MICAL3: variants seen among roughly 807,000 people sequenced by gnomAD.
MICAL3 encodes microtubule associated monooxygenase, calponin and LIM domain containing 3.
A neutral mutation model predicts 207.4 loss-of-function variants in MICAL3; 62 were observed. That is an observed-to-expected ratio of 0.30 (90% CI 0.24 to 0.37). MICAL3 has a LOEUF of 0.37. MICAL3 is among the 10% of genes least tolerant of loss of function. The pLI is 1.00. For synonymous variants in MICAL3, 1,077 were observed against 1,069.3 expected, an observed-to-expected ratio of 1.01 and a Z score of -0.14; for missense variants, 2,368 against 2,635.6, an observed-to-expected ratio of 0.90 and a Z score of 2.22.
At chr22:17,908,809 C>T (rs1014979091) in intron 1 of MICAL3, among the ~76,000 whole-genome samples, 3 of 152,298 alleles carry the variant, frequency 2.0e-5, no homozygotes, top group East Asian at 1.9e-4. Context: ...TGATGCACTA[C>T]GTTCAGCAGG....
intron 12 of MICAL3, among the ~76,000 whole-genome samples, chr22:17,890,605 A>G (rs1326784475): frequency 6.6e-6 from 1 of 152,214 alleles, no homozygotes; most frequent in Admixed American, 6.5e-5. Flanking sequence ...TGTAATCCAC[A>G]CTGCACAAGG....
intron 1 of MICAL3, among the ~76,000 whole-genome samples, chr22:17,947,083 A>T (rs983659422): frequency 6.6e-6 from 1 of 152,248 alleles, no homozygotes; most frequent in African/African-American, 2.4e-5. Flanking sequence ...AGAGAAACGC[A>T]GCACATCAAA....
intron 1 of MICAL3, chr22:18,020,121 A>C (rs1924363880): frequency 6.6e-6 from 1 of 151,956 alleles, no homozygotes; most frequent in Non-Finnish European, 1.5e-5. Context: ...CCAGCTGCTG[A>C]TGTTTTTAAG....
chr22:17,860,880 A>G, intron 19 of MICAL3: 2 of 985,418 alleles, frequency 2.0e-6, no homozygotes, highest in Non-Finnish European at 2.4e-6. Flanking sequence ...TGGTTCTCAG[A>G]ACCAGGAACA....
chr22:17,844,979 C>G (rs1015525076), intron 19 of MICAL3, among the ~76,000 whole-genome samples: 3 of 152,176 alleles, frequency 2.0e-5, no homozygotes, highest in African/African-American at 7.2e-5. Context: ...TTCTCCTCAT[C>G]AAAATCCATG....
chr22:17,810,895 G>C (rs576184367), intron 27 of MICAL3, 82 bp from the exon 28 acceptor site: 1 of 1,079,266 alleles, frequency 9.3e-7, no homozygotes, highest in Non-Finnish European at 1.4e-6. Flanking sequence ...CAGGGGCCTG[G>C]AGAGGTCTGT....
chr22:17,864,770 G>T, intron 19 of MICAL3, 129 bp downstream of exon 19: 1 of 1,613,952 alleles, frequency 6.2e-7, no homozygotes, highest in Non-Finnish European at 8.5e-7. Context: ...AAGGAGTCCA[G>T]AGGGTTTTGG....
chr22:17,849,507 G>T (rs1333972903), intron 19 of MICAL3, among the ~76,000 whole-genome samples: 2 of 148,940 alleles, frequency 1.3e-5, no homozygotes, highest in African/African-American at 5.0e-5. Context: ...GCTAATTTTT[G>T]AATTTTTTTT....
At chr22:17,895,646 C>A (rs1021316048) in intron 9 of MICAL3, among the ~76,000 whole-genome samples, 1 of 151,880 alleles carries the variant, frequency 6.6e-6, no homozygotes, top group East Asian at 1.9e-4. Context: ...AAACCGTGAG[C>A]GCCCACAGAT....
rs138062653 is a variant in MICAL3, at chr22:17,818,174, C to G, written c.4487G>C (p.Arg1496Pro). 1.3e-6 allele frequency: 2 copies of G among 1,589,544 alleles called. No individual in the cohort carries two copies. Among genetic ancestry groups the G allele is most frequent in the Admixed American group, 3.5e-5 (2 of 57,032 alleles). Residue 1496 changes from arginine (R) to proline (P), a missense_variant, in exon 26 of 32, where the codon CGG (arginine) becomes CCG (proline). Coordinates refer to ENST00000441493, the MANE Select transcript of MICAL3 (RefSeq NM_015241.3). ...GGGCTGAGCAGGCTCCCGGGGGGGC[C>G]GCATCCAGGTGGCGGGCAAGGGCGG... ...VPPPLPATWM[R>P]PPREPAQPPR...
At chr22:17,879,519 C>A in intron 16 of MICAL3, 1 of 720,648 alleles carries the variant, frequency 1.4e-6, no homozygotes. Flanking sequence ...TCGCCTTCCC[C>A]TACTAACCCC....
chr22:17,934,466 TAA>T (rs957308511), intron 1 of MICAL3, among the ~76,000 whole-genome samples: 47 of 152,096 alleles, frequency 3.1e-4, no homozygotes, highest in Non-Finnish European at 4.3e-4. Flanking sequence ...CTGAAAATAA[TAA>T]GAGTTATTTA....
intron 1 of MICAL3, among the ~76,000 whole-genome samples, chr22:17,953,387 G>A (rs73388485): frequency 0.026 from 3,917 of 152,238 alleles, 185 homozygotes; most frequent in African/African-American, 0.091. Context: ...TCCGGGCAGT[G>A]GGGGTGGGCA....
rs1294938641 is a variant in MICAL3, at chr22:17,900,859, T to G, written c.830A>C (p.Glu277Ala). 3 of 1,613,836 alleles carry G rather than the reference T, an allele frequency of 1.9e-6. No individual in the cohort carries two copies. The highest frequency in any genetic ancestry group is 2.2e-5 in the East Asian group (1 of 44,896). Residue 277 changes from glutamate (E) to alanine (A), a missense_variant, in exon 6 of 32, where the codon GAA becomes GCA. Physicochemically the swap from Glu to Ala is moderately radical, Grantham distance 107. Around this residue, in one of 4 missense-constraint regions of MICAL3, gnomAD observed 400 missense variants for 547.0 expected, o/e 0.73. Transcript: ENST00000441493. The surrounding 1 kb of genome is among the most constrained non-coding windows in gnomAD (Gnocchi z 4.0). ...ACACCAACCTGTGGCTTCCCTCAGT[T>G]CCTGGAAAAATTTTTGGTTGAATAT... ...AFIFNQKFFQ[E>A]LREATGIDLE...
intron 15 of MICAL3, among the ~76,000 whole-genome samples, chr22:17,886,741 G>A (rs553421589): frequency 6.6e-6 from 1 of 151,146 alleles, no homozygotes; most frequent in South Asian, 2.1e-4. Flanking sequence ...GGAGGTGCAG[G>A]TTGCAGTGAG....
intron 1 of MICAL3, among the ~76,000 whole-genome samples, chr22:18,008,306 C>T (rs532711999): frequency 6.6e-6 from 1 of 152,274 alleles, no homozygotes; most frequent in South Asian, 2.1e-4. Flanking sequence ...ATAGCACACC[C>T]GTGACTGCCA....
intron 12 of MICAL3, among the ~76,000 whole-genome samples, chr22:17,890,867 G>T (rs933520574): frequency 3.3e-5 from 5 of 152,216 alleles, no homozygotes; most frequent in Admixed American, 6.5e-5. Flanking sequence ...CTGACCTGGG[G>T]TCACCCTAGA....
intron 27 of MICAL3, 82 bp downstream of exon 27, chr22:17,816,608 T>C: frequency 8.7e-7 from 1 of 1,153,552 alleles, no homozygotes; most frequent in Non-Finnish European, 1.3e-6. Context: ...CGGTTTGCTC[T>C]CCCTCTCCTC....
intron 1 of MICAL3, among the ~76,000 whole-genome samples, chr22:17,948,408 G>A (rs925264995): frequency 1.3e-4 from 20 of 152,122 alleles, no homozygotes; most frequent in Non-Finnish European, 1.8e-4. Flanking sequence ...ATGGTGTCCC[G>A]AGGCGGGGTG....
Sources: allele counts gnomAD v4.1 joint callset (sites outside exome capture counted in the v4.1 genomes callset), GRCh38; gene constraint gnomAD v4.1.1; regional missense constraint gnomAD v4.1.1; non-coding constraint Gnocchi (gnomAD v3.1); transcripts MANE v1.5; gene names NCBI Gene and HGNC (gene_info 2026-07-23, HGNC 2026-07-21).